The following TBC1D9 variants were observed in gnomAD, a reference collection of about 807,000 sequenced individuals.
TBC1D9 encodes the protein TBC1 domain family member 9A.
A neutral mutation model predicts 132.0 loss-of-function variants in TBC1D9; 63 were observed. The observed-to-expected ratio is 0.48, with a 90% CI of 0.39 to 0.59. The LOEUF is 0.59. Among genes scored for constraint, TBC1D9 ranks in the 20% least tolerant of loss-of-function variants. The pLI is 0.00. For missense variants in TBC1D9, 1,261 were observed against 1,592.7 expected (o/e 0.79, Z 3.54); for synonymous variants, 610 against 609.9 (o/e 1.00, Z 0.00).
intron 5 of TBC1D9, among the ~76,000 whole-genome samples, chr4:140,677,798 C>T (rs1165010265): frequency 6.6e-6 from 1 of 152,140 alleles, no homozygotes; most frequent in Non-Finnish European, 1.5e-5. Context: ...AAGTCACCTC[C>T]ATCCTCACCT....
intron 16 of TBC1D9, among the ~76,000 whole-genome samples, chr4:140,631,516 T>G (rs967439972): frequency 2.0e-5 from 3 of 152,146 alleles, no homozygotes; most frequent in African/African-American, 7.2e-5. Flanking sequence ...ACCATCTATC[T>G]GTTTAGTAAT....
At chr4:140,686,149 A>G (rs1042524974) in intron 3 of TBC1D9, among the ~76,000 whole-genome samples, 195 bp downstream of exon 3, 1 of 152,198 alleles carries the variant, frequency 6.6e-6, no homozygotes, top group African/African-American at 2.4e-5. Flanking sequence ...GAATAGCCCT[A>G]TTCTTAGAAA....
chr4:140,709,685 G>T (rs758873631), intron 1 of TBC1D9, among the ~76,000 whole-genome samples: 1 of 152,122 alleles, frequency 6.6e-6, no homozygotes, highest in Non-Finnish European at 1.5e-5. Context: ...CCAGGGACTG[G>T]TTTCATGGAA....
intron 13 of TBC1D9, chr4:140,643,238 C>T (rs1297245487): frequency 7.5e-7 from 1 of 1,326,248 alleles, no homozygotes; most frequent in Non-Finnish European, 1.1e-6. Context: ...TCTTGCTCCT[C>T]CTCTCCAGCT....
At chr4:140,730,611 A>G (rs1409662747) in intron 1 of TBC1D9, among the ~76,000 whole-genome samples, 2 of 152,166 alleles carry the variant, frequency 1.3e-5, no homozygotes, top group Non-Finnish European at 2.9e-5. Flanking sequence ...CTACAATCCC[A>G]GCTACTCAAA....
chr4:140,670,072 A>G (rs759710341), intron 7 of TBC1D9, among the ~76,000 whole-genome samples: 3 of 152,138 alleles, frequency 2.0e-5, no homozygotes, highest in Non-Finnish European at 4.4e-5. Flanking sequence ...GTGCTTGGCC[A>G]TTTGTTTCTC....
intron 13 of TBC1D9, chr4:140,641,714 A>G (rs1560869917): frequency 6.0e-6 from 1 of 165,940 alleles, no homozygotes; most frequent in South Asian, 1.6e-4. Context: ...TAACAGCTCA[A>G]AAAGAGCTAG....
intron 3 of TBC1D9, among the ~76,000 whole-genome samples, chr4:140,686,023 A>G (rs1477508930): frequency 6.6e-6 from 1 of 152,222 alleles, no homozygotes; most frequent in African/African-American, 2.4e-5. Flanking sequence ...AATACTCCAT[A>G]TGATGACTAC....
chr4:140,649,165 C>T (rs6823068), intron 13 of TBC1D9, among the ~76,000 whole-genome samples: 48,478 of 152,088 alleles, frequency 0.32, 7,982 homozygotes, highest in East Asian at 0.43. Context: ...AAAAAACACC[C>T]AGCAAAGCAA....
chr4:140,697,807 A>G (rs546546960), intron 2 of TBC1D9, among the ~76,000 whole-genome samples: 2 of 152,292 alleles, frequency 1.3e-5, no homozygotes, highest in African/African-American at 4.8e-5. Flanking sequence ...AACAAAGGTA[A>G]TGGCTCAGGG....
chr4:140,686,733 G>A (rs146668898), intron 2 of TBC1D9, among the ~76,000 whole-genome samples: 127 of 152,252 alleles, frequency 8.3e-4, no homozygotes, highest in African/African-American at 2.8e-3. Context: ...CAGATCAGAA[G>A]GCAGCAATAT....
intron 1 of TBC1D9, among the ~76,000 whole-genome samples, chr4:140,728,045 A>G (rs574847804): frequency 2.1e-4 from 32 of 152,294 alleles, no homozygotes; most frequent in Middle Eastern, 3.4e-3. Context: ...TTACTTTTTT[A>G]CTTTTAACTC....
chr4:140,708,688 G>C (rs1738183549), intron 1 of TBC1D9, among the ~76,000 whole-genome samples: 1 of 152,128 alleles, frequency 6.6e-6, no homozygotes, highest in Non-Finnish European at 1.5e-5. Context: ...AGTTCCTAGA[G>C]GCACCATAGC....
At chr4:140,724,449 T>G (rs1738468326) in intron 1 of TBC1D9, among the ~76,000 whole-genome samples, 1 of 152,188 alleles carries the variant, frequency 6.6e-6, no homozygotes, top group Non-Finnish European at 1.5e-5. Flanking sequence ...ATTTTCTCAA[T>G]GGCAACCTAA....
Position 140,669,112 on chromosome 4 carries a change from G to C in TBC1D9, c.1438-45C>G, listed in dbSNP as rs763687862. On this transcript the variant is annotated intron_variant, in intron 8 of 20. Transcript: ENST00000442267. ...ATTATGACATCCAAAGTACCCTGAGGATGGTAAGAGAAGAGTGATGGAAGG... is the reference window on the plus strand; with the variant it reads ...ATTATGACATCCAAAGTACCCTGAGCATGGTAAGAGAAGAGTGATGGAAGG... 5.0e-6 allele frequency: 8 copies of C among 1,594,996 alleles called. No individual in the cohort carries two copies. In the South Asian group the frequency reaches 8.9e-5, roughly 18 times the overall value.
At chr4:140,674,691 A>ATAT (rs1553969850) in intron 6 of TBC1D9, among the ~76,000 whole-genome samples, 13 of 144,916 alleles carry the variant, frequency 9.0e-5, no homozygotes, top group Admixed American at 6.1e-4. Context: ...ATATATATAT[A>ATAT]TTTTTTTTTA....
chr4:140,640,048 T>C (rs1736959871), intron 13 of TBC1D9, among the ~76,000 whole-genome samples: 1 of 152,174 alleles, frequency 6.6e-6, no homozygotes, highest in African/African-American at 2.4e-5. Context: ...GAAACCCTGG[T>C]TAAAGTATGA....
chr4:140,694,626 A>T (rs1032478862), intron 2 of TBC1D9, among the ~76,000 whole-genome samples: 3 of 150,394 alleles, frequency 2.0e-5, no homozygotes, highest in South Asian at 2.1e-4. Context: ...CATTTTATTG[A>T]CATAAAAATT....
In TBC1D9 at chr4:140,723,789, T is replaced by C. The variant is rs557251878; in HGVS notation, c.131-22175A>G. Among the ~76,000 whole-genome samples the C allele has an allele frequency of 3.7e-4, 57 of 152,300 alleles. 2 individuals carry two copies. The South Asian group carries it at 9.5e-3, about 25-fold the overall frequency. On this transcript the variant is annotated intron_variant, in intron 1 of 20. Coordinates refer to ENST00000442267, the MANE Select transcript of TBC1D9 (RefSeq NM_015130.3). ...TATGTTATTTTTAGAAACAAGGTCT[T>C]GCTCTGTTGCCCAGACTGGAGTGTG...
Sources: allele counts gnomAD v4.1 joint callset (sites outside exome capture counted in the v4.1 genomes callset), GRCh38; gene constraint gnomAD v4.1.1; transcripts MANE v1.5; gene names NCBI Gene and HGNC (gene_info 2026-07-23, HGNC 2026-07-21).